HIGD1C: variants seen among roughly 807,000 people sequenced by gnomAD.
HIGD1C encodes HIG1 hypoxia inducible domain family member 1C.
A neutral mutation model predicts 13.1 loss-of-function variants in HIGD1C; 11 were observed. The ratio of observed to expected loss-of-function variants is 0.84; its 90% CI spans 0.53 to 1.39. The LOEUF (loss-of-function observed/expected upper bound fraction) is 1.39. Ranked by LOEUF, HIGD1C falls within the 40% of genes most tolerant of loss-of-function variation. HIGD1C has a pLI of 0.00. For synonymous variants in HIGD1C, 36 were observed against 37.7 expected, an observed-to-expected ratio of 0.95 and a Z score of 0.17; for missense variants, 110 against 112.0, an observed-to-expected ratio of 0.98 and a Z score of 0.08.
intron 2 of HIGD1C, among the ~76,000 whole-genome samples, chr12:50,963,900 T>C (rs938157838): frequency 2.0e-5 from 3 of 152,184 alleles, no homozygotes; most frequent in Non-Finnish European, 4.4e-5. Context: ...ATACCTCTAT[T>C]AATTACTCTT....
chr12:50,944,472 A>C, the HIGD1C span, among the ~76,000 whole-genome samples: 1 of 152,176 alleles, frequency 6.6e-6, no homozygotes, highest in Non-Finnish European at 1.5e-5. Flanking sequence ...CCTAGGCAAC[A>C]TGTCTCAAAA....
At chr12:50,969,690 A>G (rs11169641) in intron 2 of HIGD1C, among the ~76,000 whole-genome samples, 22,452 of 150,604 alleles carry the variant, frequency 0.15, 1,877 homozygotes, top group South Asian at 0.26. Context: ...TGACAAGAGC[A>G]AGACTCCATC....
chr12:50,971,476 T>C (rs574315513), downstream of HIGD1C, among the ~76,000 whole-genome samples: 6 of 152,342 alleles, frequency 3.9e-5, no homozygotes, highest in Middle Eastern at 3.4e-3. Flanking sequence ...ACATTTCTTT[T>C]TCCTGAGATG....
At chr12:50,956,267 C>T (rs898322804) in intron 1 of HIGD1C, among the ~76,000 whole-genome samples, 3 of 152,148 alleles carry the variant, frequency 2.0e-5, no homozygotes, top group Non-Finnish European at 2.9e-5. Flanking sequence ...TGGCAGGCGC[C>T]TGTAGTCCCA....
chr12:50,938,454 AT>A, the HIGD1C span, among the ~76,000 whole-genome samples: 1 of 152,174 alleles, frequency 6.6e-6, no homozygotes, highest in Non-Finnish European at 1.5e-5. Context: ...GAGCACAGGG[AT>A]GCCCAGGTCC....
chr12:50,960,884 T>G (rs1271333872), intron 1 of HIGD1C, 84 bp from the exon 4 acceptor site: 2 of 1,219,628 alleles, frequency 1.6e-6, no homozygotes, highest in Non-Finnish European at 2.2e-6. Flanking sequence ...CTTGCTATGT[T>G]GCCCAGGCTG....
chr12:50,966,824 T>C (rs1306238358), intron 2 of HIGD1C, among the ~76,000 whole-genome samples: 1 of 152,168 alleles, frequency 6.6e-6, no homozygotes, highest in Non-Finnish European at 1.5e-5. Flanking sequence ...TAAGTGACTT[T>C]GTGAGGTTGG....
chr12:50,950,971 A>G (rs1184686445), upstream of HIGD1C, among the ~76,000 whole-genome samples: 1 of 151,224 alleles, frequency 6.6e-6, no homozygotes, highest in East Asian at 1.9e-4. Context: ...GGCATGAGCC[A>G]CCGCGCCCGG....
intron 2 of HIGD1C, among the ~76,000 whole-genome samples, chr12:50,967,757 C>T (rs1285604445): frequency 6.6e-6 from 1 of 152,094 alleles, no homozygotes; most frequent in Non-Finnish European, 1.5e-5. Flanking sequence ...TCTGGAAGTA[C>T]TTCTAATTCC....
intron 1 of HIGD1C, among the ~76,000 whole-genome samples, chr12:50,957,786 G>A (rs1290535080): frequency 6.6e-6 from 1 of 151,990 alleles, no homozygotes; most frequent in Non-Finnish European, 1.5e-5. Context: ...TCAAGAGGCT[G>A]AGACAGGAGA....
At chr12:50,967,651 CA>C (rs1939591128) in intron 2 of HIGD1C, among the ~76,000 whole-genome samples, 1 of 152,194 alleles carries the variant, frequency 6.6e-6, no homozygotes, top group South Asian at 2.1e-4. Context: ...TAACTGAAAA[CA>C]TGGCCATTAA....
In HIGD1C at chr12:50,954,097, G is replaced by C; in HGVS notation, c.94+5G>C. 6.4e-7 allele frequency: 1 copy of C among 1,566,404 alleles called. No individual in the cohort carries two copies. Among genetic ancestry groups the C allele is most frequent in the East Asian group, 2.2e-5 (1 of 44,598 alleles). On this transcript the variant is annotated splice_donor_5th_base_variant and intron_variant, in intron 1 of 2. Coordinates refer to ENST00000398455, the Ensembl canonical transcript of HIGD1C. ...ACTCCCCCTTTGTCCCTATAGGTAA[G>C]TACAAGCCTTGACTGGATGCAGAAA...
chr12:50,964,562 G>T (rs1465282487), intron 2 of HIGD1C, among the ~76,000 whole-genome samples: 1 of 152,188 alleles, frequency 6.6e-6, no homozygotes, highest in African/African-American at 2.4e-5. Context: ...CAAGGTCCCT[G>T]CAGACTAGAT....
At chr12:50,947,216 A>G in the HIGD1C span, among the ~76,000 whole-genome samples, 13 of 152,184 alleles carry the variant, frequency 8.5e-5, no homozygotes, top group African/African-American at 2.9e-4. Context: ...TGTCACTTGT[A>G]TTAGTTTCCT....
chr12:50,937,107 A>C, the HIGD1C span, among the ~76,000 whole-genome samples: 1 of 152,264 alleles, frequency 6.6e-6, no homozygotes, highest in Non-Finnish European at 1.5e-5. Flanking sequence ...TTAAATCATC[A>C]TAAGTACTGC....
intron 2 of HIGD1C, among the ~76,000 whole-genome samples, chr12:50,970,137 GACT>G (rs1939709267): frequency 6.6e-6 from 1 of 152,132 alleles, no homozygotes; most frequent in East Asian, 1.9e-4. Flanking sequence ...TAATTGAGAT[GACT>G]ACTATTTTTA....
At chr12:50,953,874 T>G, upstream of HIGD1C, 1 of 593,480 alleles carries the variant, frequency 1.7e-6, no homozygotes, top group Non-Finnish European at 3.0e-6. Context: ...GTTGAGCAGA[T>G]AGGCTTATCA....
At chr12:50,933,173 C>T in the HIGD1C span, among the ~76,000 whole-genome samples, 1 of 152,172 alleles carries the variant, frequency 6.6e-6, no homozygotes, top group Non-Finnish European at 1.5e-5. Flanking sequence ...AGTTACTGAG[C>T]AAGTCTTAGA....
At chr12:50,969,463 G>GC (rs1939674733) in intron 2 of HIGD1C, among the ~76,000 whole-genome samples, 1 of 152,066 alleles carries the variant, frequency 6.6e-6, no homozygotes, top group Non-Finnish European at 1.5e-5. Flanking sequence ...ACTTTAGGAG[G>GC]CCAAGGCAGG....
Sources: allele counts gnomAD v4.1 joint callset (sites outside exome capture counted in the v4.1 genomes callset), GRCh38; gene constraint gnomAD v4.1.1; transcripts MANE v1.5; gene names NCBI Gene and HGNC (gene_info 2026-07-23, HGNC 2026-07-21).